Variants in MUSK observed in about 807,000 individuals in gnomAD.
MUSK encodes the protein muscle associated receptor tyrosine kinase.
In MUSK, 55 loss-of-function variants were observed where a neutral mutation model predicts 88.7. The observed-to-expected ratio is 0.62, with a 90% CI of 0.50 to 0.78. The LOEUF (loss-of-function observed/expected upper bound fraction) is 0.78, where lower values mean the gene tolerates loss of function less well. Among genes scored for constraint, MUSK ranks in the 30% least tolerant of loss-of-function variants. The pLI is 0.00. For synonymous variants in MUSK, 387 were observed against 391.9 expected, an observed-to-expected ratio of 0.99 and a Z score of 0.15; for missense variants, 1,015 against 1,074.3, an observed-to-expected ratio of 0.94 and a Z score of 0.77.
chr9:110,697,848 A>G (rs2076454023), intron 5 of MUSK, among the ~76,000 whole-genome samples: 1 of 152,144 alleles, frequency 6.6e-6, no homozygotes, highest in Admixed American at 6.5e-5. Flanking sequence ...AACAACTTTA[A>G]AAAGATGTGA....
intron 2 of MUSK, among the ~76,000 whole-genome samples, chr9:110,685,113 G>A (rs954671011): frequency 6.6e-6 from 1 of 152,048 alleles, no homozygotes; most frequent in Non-Finnish European, 1.5e-5. Context: ...TGTCATATAT[G>A]GCTTTTATTA....
chr9:110,697,024 CCATATACATATATATATTATA>C (rs1564226374), intron 4 of MUSK, among the ~76,000 whole-genome samples: 1 of 147,470 alleles, frequency 6.8e-6, no homozygotes, highest in Non-Finnish European at 1.5e-5. Context: ...CAAAATAAGC[CCATATACATATATATATTATA>C]CATATACATA....
chr9:110,714,317 A>AC (rs2076717338), intron 5 of MUSK, among the ~76,000 whole-genome samples: 2 of 152,204 alleles, frequency 1.3e-5, no homozygotes, highest in Non-Finnish European at 2.9e-5. Flanking sequence ...TTCACCATCC[A>AC]TATTTACAAG....
intron 7 of MUSK, among the ~76,000 whole-genome samples, chr9:110,757,130 T>C (rs754386666): frequency 6.6e-6 from 1 of 152,162 alleles, no homozygotes; most frequent in South Asian, 2.1e-4. Context: ...GTTAGCCTGA[T>C]GACTATTGCA....
chr9:110,721,210 A>G (rs901494545), intron 5 of MUSK, among the ~76,000 whole-genome samples: 3 of 152,174 alleles, frequency 2.0e-5, no homozygotes, highest in Admixed American at 6.5e-5. Flanking sequence ...CACCACTTCT[A>G]TTCAACATAG....
At chr9:110,683,776 G>A (rs1329464876) in intron 2 of MUSK, among the ~76,000 whole-genome samples, 1 of 152,056 alleles carries the variant, frequency 6.6e-6, no homozygotes, top group Non-Finnish European at 1.5e-5. Context: ...CCATCTGCAT[G>A]TCTTCTTTCG....
In MUSK at chr9:110,687,131, G is replaced by C; in HGVS notation, c.221G>C (p.Arg74Pro). 6.2e-7 allele frequency: 1 copy of C among 1,613,236 alleles called. No individual in the cohort carries two copies. The stretch of plus-strand genomic sequence containing the variant: ...GTGACCTGCAGACTCTTTGACACCC[G>C]GTACAGCATCCGGGAGAATGGGCAG... ...NKILIKLFDT[R>P]YSIRENGQLL... is the part of the protein sequence containing the mutation. Residue 74 changes from arginine (R) to proline (P), a missense_variant, in exon 3 of 15, where the codon CGG (arginine) becomes CCG (proline). Coordinates refer to ENST00000374448, the MANE Select transcript of MUSK (RefSeq NM_005592.4).
chr9:110,760,953 C>A (rs1267879142), intron 7 of MUSK, among the ~76,000 whole-genome samples: 1 of 152,136 alleles, frequency 6.6e-6, no homozygotes, highest in East Asian at 1.9e-4. Flanking sequence ...GGATCTAAAA[C>A]CTTCAAAACG....
chr9:110,765,646 T>A lies in MUSK; in HGVS notation c.921-2174T>A, dbSNP rs923027970. Among the ~76,000 whole-genome samples the A allele has an allele frequency of 1.3e-4, 20 of 152,230 alleles. No homozygotes were observed. The East Asian group carries it at 3.9e-3, about 29-fold the overall frequency. ...CGGAGTGCAGAGGTGCAATCTCAGC[T>A]CACTGCAACCTCTGCCCCCCAGATT... On this transcript the variant is annotated intron_variant, in intron 8 of 14. Coordinates refer to ENST00000374448, the MANE Select transcript of MUSK (RefSeq NM_005592.4).
At chr9:110,726,550 A>G (rs1234753810) in intron 5 of MUSK, among the ~76,000 whole-genome samples, 1 of 152,060 alleles carries the variant, frequency 6.6e-6, no homozygotes, top group Admixed American at 6.6e-5. Context: ...GAAAATGACA[A>G]GTGAATATAA....
intron 11 of MUSK, among the ~76,000 whole-genome samples, chr9:110,783,703 C>CT (rs1337726923): frequency 6.6e-6 from 1 of 151,778 alleles, no homozygotes; most frequent in African/African-American, 2.4e-5. Context: ...ATGGCTGTTA[C>CT]TTTATTACCT....
rs139439541 is a variant in MUSK at position 110,752,528 on chromosome 9, C to T, written c.913+4728C>T. Among the ~76,000 whole-genome samples the T allele has an allele frequency of 7.2e-5, 11 of 152,364 alleles. 1 individual carries two copies. Among genetic ancestry groups the T allele is most frequent in the African/African-American group, 2.6e-4 (11 of 41,600 alleles). On this transcript the variant is annotated intron_variant, in intron 7 of 14. Transcript: ENST00000374448. ...CGCCTCTTTTGCCATTCTGGCAATG[C>T]TTCCTTAATGCCAAACTCTGCTGTC... is the stretch of plus-strand genomic sequence containing the variant.
intron 1 of MUSK, among the ~76,000 whole-genome samples, chr9:110,679,263 TA>T (rs1240975869): frequency 6.6e-6 from 1 of 152,084 alleles, no homozygotes; most frequent in Admixed American, 6.5e-5. Context: ...TCCATATTTT[TA>T]AATAATTAAG....
At position 110,681,027 on chromosome 9, in the gene MUSK, TA is replaced by T. The variant is rs1564209346; in HGVS notation, c.80-1646del. ...TATATTATATATAATATATATTATATATTATATATTATATAATATATATTAT... is the reference window on the plus strand; with the variant it reads ...TATATTATATATAATATATATTATATTTATATATTATATAATATATATTAT... On this transcript the variant is annotated intron_variant, in intron 1 of 14. Coordinates refer to ENST00000374448, the MANE Select transcript of MUSK (RefSeq NM_005592.4). Among the ~76,000 whole-genome samples the T allele has an allele frequency of 8.7e-4, 24 of 27,698 alleles. 2 individuals carry two copies. The highest frequency in any genetic ancestry group is 6.8e-3 in the African/African-American group (21 of 3,094). The allele number at this position is 27,698 out of a possible 152,430, so 18.2% of individuals were successfully genotyped here. A position where few individuals can be genotyped will look rare whatever the true frequency, so the allele number is the denominator to read the frequency against.
At chr9:110,790,559 G>A (rs1357325281) in intron 14 of MUSK, among the ~76,000 whole-genome samples, 1 of 152,172 alleles carries the variant, frequency 6.6e-6, no homozygotes, top group Non-Finnish European at 1.5e-5. Context: ...CCTTTGTAAA[G>A]AGAATGCTCA....
intron 7 of MUSK, among the ~76,000 whole-genome samples, chr9:110,751,524 A>G (rs1019216139): frequency 6.6e-6 from 1 of 152,206 alleles, no homozygotes; most frequent in Non-Finnish European, 1.5e-5. Context: ...GCAACTTGCA[A>G]TCTGCTGCAG....
At position 110,803,040 on chromosome 9, in the gene MUSK, C is replaced by T. The variant is rs992598987; in HGVS notation, c.*2052C>T. Among the ~76,000 whole-genome samples the T allele has an allele frequency of 6.6e-6, 1 of 152,204 alleles. No individual in the cohort carries two copies. The highest frequency in any genetic ancestry group is 2.1e-4 in the South Asian group (1 of 4,826). On this transcript the variant is annotated 3_prime_UTR_variant, in exon 15 of 15. Transcript: ENST00000374448. Reference sequence around the variant, plus strand: ...AAGTCTAGAACTTGAGCATAGATATCCATGGCTTATTTTAGATGGTTCATG... The same window carrying T: ...AAGTCTAGAACTTGAGCATAGATATTCATGGCTTATTTTAGATGGTTCATG...
intron 4 of MUSK, among the ~76,000 whole-genome samples, chr9:110,696,532 A>G (rs1224554409): frequency 6.6e-6 from 1 of 152,192 alleles, no homozygotes. Context: ...AATAAAATAA[A>G]TATTGCTAAT....
intron 5 of MUSK, among the ~76,000 whole-genome samples, chr9:110,707,128 C>A (rs1196578846): frequency 1.3e-5 from 2 of 151,992 alleles, no homozygotes; most frequent in East Asian, 1.9e-4. Context: ...GGTAGGTGAA[C>A]CTCTTGAATC....
Sources: allele counts gnomAD v4.1 joint callset (sites outside exome capture counted in the v4.1 genomes callset), GRCh38; gene constraint gnomAD v4.1.1; transcripts MANE v1.5; gene names NCBI Gene and HGNC (gene_info 2026-07-23, HGNC 2026-07-21).